The following NAPSA variants were observed in gnomAD, a reference collection of about 807,000 sequenced individuals.
NAPSA encodes napsin A aspartic peptidase.
In NAPSA, 37 loss-of-function variants were observed where a neutral mutation model predicts 36.7. That is an observed-to-expected ratio of 1.01 (90% CI 0.78 to 1.33). The LOEUF (loss-of-function observed/expected upper bound fraction) is 1.33, where lower values mean the gene tolerates loss of function less well. Ranked by LOEUF, NAPSA falls within the 40% of genes most tolerant of loss-of-function variation. The probability of loss-of-function intolerance (pLI) is 0.00; values close to 1 mark genes in which losing one functional copy is unlikely to be tolerated. For missense variants in NAPSA, 532 were observed against 543.8 expected (o/e 0.98, Z 0.21); for synonymous variants, 222 against 234.5 (o/e 0.95, Z 0.49).
At chr19:50,359,718 G>A (rs755377702) in intron 6 of NAPSA, 22 bp downstream of exon 6, 3 of 1,614,112 alleles carry the variant, frequency 1.9e-6, no homozygotes, top group Non-Finnish European at 2.5e-6. Context: ...CAGCTCCAGA[G>A]CCAGGAGACC....
chr19:50,367,548 CCCTCTCTCTCT>C (rs1568589265), upstream of NAPSA, among the ~76,000 whole-genome samples: 154 of 143,124 alleles, frequency 1.1e-3, 1 homozygote, highest in South Asian at 1.3e-3. Flanking sequence ...CTCTCTCTCT[CCCTCTCTCTCT>C]CTCTCTCTCT....
rs766321712 is a variant in NAPSA at position 50,359,627 on chromosome 19, A to G, written c.812T>C (p.Leu271Pro). Residue 271 changes from leucine to proline, a missense_variant, in exon 7 of 9, where the codon CTG (leucine) becomes CCG (proline). Physicochemically the swap from Leu to Pro is moderately conservative, Grantham distance 98. Coordinates refer to ENST00000253719, the MANE Select transcript of NAPSA (RefSeq NM_004851.3). ...HMERVKVGPG[L>P]TLCAKGCAAI... ...AGCACAGCCCTTGGCACAGAGAGTC[A>G]GCCCTGGGCCCACCTTCACACTGAG... The G allele has an allele frequency of 1.2e-6, 2 of 1,614,230 alleles. No individual in the cohort carries two copies. The highest frequency in any genetic ancestry group is 1.3e-5 in the African/African-American group (1 of 75,066).
intron 7 of NAPSA, 40 bp downstream of exon 7, chr19:50,359,463 T>C (rs754563723): frequency 6.2e-7 from 1 of 1,612,330 alleles, no homozygotes; most frequent in South Asian, 1.1e-5. Context: ...CAAACTGCCA[T>C]CAGCCTTCCC....
upstream of NAPSA, among the ~76,000 whole-genome samples, chr19:50,367,701 ACC>A (rs2037567217): frequency 6.6e-6 from 1 of 152,006 alleles, no homozygotes; most frequent in African/African-American, 2.4e-5. Context: ...TGTAACCACG[ACC>A]TACCTGCCTA....
chr19:50,359,900 T>C (rs2037450909), intron 5 of NAPSA, 38 bp from the exon 6 acceptor site: 1 of 1,591,132 alleles, frequency 6.3e-7, no homozygotes, highest in Non-Finnish European at 8.6e-7. Context: ...GATGTCAGTG[T>C]CACTGGCCCT....
chr19:50,360,981 C>T lies in NAPSA; in HGVS notation c.628G>A (p.Gly210Arg), dbSNP rs1470631911. ...GAGAAGACAGGCTTATCCAATAGCCCCTGCTCCACCAGTACATCCATCGGG... is the reference window on the plus strand; with the variant it reads ...GAGAAGACAGGCTTATCCAATAGCCTCTGCTCCACCAGTACATCCATCGGG... Reference protein sequence around the residue: ...RPPMDVLVEQGLLDKPVFSFY... With the variant: ...RPPMDVLVEQRLLDKPVFSFY... The change falls in exon 5 of 9, where the codon GGG becomes AGG. Residue 210 changes from glycine to arginine, a missense_variant. Coordinates refer to ENST00000253719, the MANE Select transcript of NAPSA (RefSeq NM_004851.3). 2 of 1,614,084 alleles carry T rather than the reference C, an allele frequency of 1.2e-6. No individual in the cohort carries two copies. The highest frequency in any genetic ancestry group is 1.7e-6 in the Non-Finnish European group (2 of 1,180,038).
chr19:50,365,268 A>G lies in NAPSA; in HGVS notation c.83+271T>C, dbSNP rs182770056. Among the ~76,000 whole-genome samples, 298 of 152,156 alleles carry G rather than the reference A, an allele frequency of 2.0e-3. 1 individual carries two copies. Among genetic ancestry groups the G allele is most frequent in the African/African-American group, 6.5e-3 (268 of 41,512 alleles). ...AGAATCGCTTGAACCCAGGAGGCAGAGGTTTCAGTGAGCTGAGATCATGCC... is the reference window on the plus strand; with the variant it reads ...AGAATCGCTTGAACCCAGGAGGCAGGGGTTTCAGTGAGCTGAGATCATGCC... On this transcript the variant is annotated intron_variant, in intron 1 of 8. Coordinates refer to ENST00000253719, the MANE Select transcript of NAPSA (RefSeq NM_004851.3).
At chr19:50,360,919 A>G (rs775864814) in intron 5 of NAPSA, 22 bp downstream of exon 5, 3 of 1,607,684 alleles carry the variant, frequency 1.9e-6, no homozygotes, top group Non-Finnish European at 2.6e-6. Context: ...GGACTCATAG[A>G]TAGGTGCACA....
At chr19:50,358,963 C>T (rs1403437062) in intron 8 of NAPSA, 48 bp downstream of exon 8, 1 of 1,534,472 alleles carries the variant, frequency 6.5e-7, no homozygotes, top group African/African-American at 1.4e-5. Flanking sequence ...TCTACCCTCT[C>T]AAACCGTCAT....
At chr19:50,368,927 G>A (rs1258349911), upstream of NAPSA, among the ~76,000 whole-genome samples, 2 of 152,190 alleles carry the variant, frequency 1.3e-5, no homozygotes, top group East Asian at 1.9e-4. Flanking sequence ...AGCAGAACAG[G>A]CTTCCTCCCT....
chr19:50,367,620 G>A (rs779564806), upstream of NAPSA, among the ~76,000 whole-genome samples: 2 of 151,864 alleles, frequency 1.3e-5, no homozygotes, highest in Admixed American at 1.3e-4. Context: ...ACCTGGAGCT[G>A]GGAGTGGGGT....
chr19:50,363,126 A>T (rs1281778130), intron 1 of NAPSA, among the ~76,000 whole-genome samples: 8 of 152,214 alleles, frequency 5.3e-5, no homozygotes, highest in African/African-American at 1.9e-4. Flanking sequence ...TCCTGCCTTT[A>T]GTCACTCCTT....
chr19:50,361,108 G>A lies in NAPSA; in HGVS notation c.501C>T (p.Phe167=), dbSNP rs766421553. ...IGGIKGASVI[F]GEALWEPSLV... ...GGCTGGGCTCCCAGAGAGCCTCCCCGAAAATCACTGATGCACCCTTGATTC... is the reference window on the plus strand; with the variant it reads ...GGCTGGGCTCCCAGAGAGCCTCCCCAAAAATCACTGATGCACCCTTGATTC... Residue 167 remains phenylalanine, a synonymous_variant, in exon 5 of 9, where the codon TTC becomes TTT. Coordinates refer to ENST00000253719, the MANE Select transcript of NAPSA (RefSeq NM_004851.3). 17 of 1,613,972 alleles carry A rather than the reference G, an allele frequency of 1.1e-5. No homozygotes were observed. The highest frequency in any genetic ancestry group is 1.3e-5 in the Non-Finnish European group (15 of 1,179,994).
At chr19:50,368,061 G>C (rs1351591872), upstream of NAPSA, among the ~76,000 whole-genome samples, 1 of 151,356 alleles carries the variant, frequency 6.6e-6, no homozygotes, top group Non-Finnish European at 1.5e-5. Context: ...GGAAGGCCGA[G>C]GCAGGAGAAT....
chr19:50,361,593 C>G (rs2037473825), intron 4 of NAPSA, 70 bp downstream of exon 4: 1 of 1,388,950 alleles, frequency 7.2e-7, no homozygotes, highest in Admixed American at 1.7e-5. Context: ...GAGCCTCTTC[C>G]TAAGCCAGAT....
chr19:50,359,054 C>A lies in NAPSA; in HGVS notation c.992G>T (p.Gly331Val), dbSNP rs147978254. The part of the protein sequence containing the change: ...PKLPAVSFLL[G>V]GVWFNLTAHD... ...GGCCGTGAGGTTAAACCAGACCCCC[C>A]CAAGAAGGAAGGAGACTGCGGGGAG... is the stretch of plus-strand genomic sequence containing the variant. Residue 331 changes from glycine to valine, a missense_variant, in exon 8 of 9, where the codon GGG becomes GTG. Transcript: ENST00000253719. 183 of 1,614,106 alleles carry A rather than the reference C, an allele frequency of 1.1e-4. No individual in the cohort carries two copies. In the African/African-American group the frequency reaches 2.3e-3, roughly 20 times the overall value.
intron 1 of NAPSA, among the ~76,000 whole-genome samples, chr19:50,364,411 C>T (rs1425829128): frequency 3.3e-5 from 5 of 150,836 alleles, no homozygotes; most frequent in Non-Finnish European, 1.5e-5. Flanking sequence ...GTCAGGAGAT[C>T]GAGACCATCC....
chr19:50,360,848 G>A (rs538779330), intron 5 of NAPSA, 93 bp downstream of exon 5: 1 of 1,257,286 alleles, frequency 8.0e-7, no homozygotes, highest in East Asian at 2.5e-5. Context: ...CTCTGAGAAT[G>A]AGAATTCCTG....
chr19:50,358,814 G>C, intron 8 of NAPSA, 34 bp from the exon 9 acceptor site: 1 of 1,560,068 alleles, frequency 6.4e-7, no homozygotes, highest in Non-Finnish European at 8.7e-7. Context: ...TGGGTGTCGC[G>C]GCCACAAGGA....
Sources: gnomAD v4.1 joint callset for allele counts (sites outside exome capture counted in the v4.1 genomes callset) on GRCh38, gnomAD v4.1.1 for gene constraint, MANE v1.5 for transcripts, NCBI Gene and HGNC (gene_info 2026-07-23, HGNC 2026-07-21) for gene names.